The following AZIN1 variants were observed in gnomAD, a reference collection of about 807,000 sequenced individuals.
AZIN1 encodes the protein antizyme inhibitor 1.
A neutral mutation model predicts 47.4 loss-of-function variants in AZIN1; 12 were observed. That is an observed-to-expected ratio of 0.25 (90% confidence interval 0.16 to 0.41). The LOEUF (loss-of-function observed/expected upper bound fraction) is 0.41, where lower values mean the gene tolerates loss of function less well. Ranked by LOEUF, AZIN1 falls within the 10% of genes least tolerant of loss-of-function variation. The probability of loss-of-function intolerance (pLI) is 1.00; values close to 1 mark genes in which losing one functional copy is unlikely to be tolerated. For missense variants in AZIN1, 410 were observed against 532.4 expected (o/e 0.77, Z 2.26); for synonymous variants, 155 against 176.3 (o/e 0.88, Z 0.96).
In AZIN1 at chr8:102,834,695, A is replaced by C; in HGVS notation, c.637T>G (p.Ser213Ala). The change falls in exon 7 of 12, where the codon TCT becomes GCT. Residue 213 changes from serine (S) to alanine (A), a missense_variant. Ser to Ala is a moderately conservative substitution (Grantham distance 99). This residue lies in a region of AZIN1 where 237 missense variants were observed against 309.4 expected (regional missense o/e 0.77). Transcript: ENST00000337198. ...ATGTCAAACACACATCGAGCATCAG[A>C]TAGAGCATGTACATATACTTGAGAT... ...KESQVYVHAL[S>A]DARCVFDMAG... The C allele has an allele frequency of 6.2e-7, 1 of 1,611,828 alleles. No homozygotes were observed. The highest frequency in any genetic ancestry group is 1.7e-5 in the Admixed American group (1 of 59,734).
chr8:102,837,548 G>A (rs1203290418), intron 5 of AZIN1, among the ~76,000 whole-genome samples: 1 of 152,276 alleles, frequency 6.6e-6, no homozygotes, highest in Non-Finnish European at 1.5e-5. Context: ...TCTAAGGTTA[G>A]AATCAGCTCC....
rs1811320046 is a variant in AZIN1, at chr8:102,829,807, CT to C, written c.1020+13del. The C allele has an allele frequency of 3.8e-6, 6 of 1,565,886 alleles. No homozygotes were observed. Among genetic ancestry groups the C allele is most frequent in the Non-Finnish European group, 5.3e-6 (6 of 1,142,224 alleles). ...AAATGCCAAATAGGTTTTGATATTT[CT>C]GATAAAACTTGCCTTGTGAACCTCT... On this transcript the variant is annotated intron_variant, in intron 10 of 11. Coordinates refer to ENST00000337198, the MANE Select transcript of AZIN1 (RefSeq NM_148174.4).
At position 102,836,242 on chromosome 8, in the gene AZIN1, A is replaced by C; in HGVS notation, c.584+14T>G. The C allele has an allele frequency of 6.2e-7, 1 of 1,611,196 alleles. No individual in the cohort carries two copies. Among genetic ancestry groups the C allele is most frequent in the South Asian group, 1.1e-5 (1 of 90,534 alleles). On this transcript the variant is annotated intron_variant, in intron 6 of 11. Coordinates refer to ENST00000337198, the MANE Select transcript of AZIN1 (RefSeq NM_148174.4). ...AAATGTTCACAGCTTTAAAAGTTTA[A>C]AACAAATACTCACTTAACCCCAATT...
intron 3 of AZIN1, among the ~76,000 whole-genome samples, chr8:102,840,957 G>A (rs1463960988): frequency 6.8e-6 from 1 of 147,556 alleles, no homozygotes; most frequent in East Asian, 2.0e-4. Context: ...TTTAATTTGG[G>A]AAAAAATAAG....
chr8:102,836,659 T>A (rs1811842327), intron 5 of AZIN1: 1 of 357,566 alleles, frequency 2.8e-6, no homozygotes. Context: ...TTGGGCTCTG[T>A]AATGAAAGAC....
chr8:102,841,810 A>T lies in AZIN1; in HGVS notation c.102+1741T>A, dbSNP rs1288655641. On this transcript the variant is annotated intron_variant, in intron 3 of 11. Transcript: ENST00000337198. ...AAGTCTAATATATATATATATAAAA[A>T]AAAAAAAAAAAAAGACCAGGCTGGG... is the stretch of plus-strand genomic sequence containing the variant. Among the ~76,000 whole-genome samples the T allele has an allele frequency of 2.0e-3, 301 of 149,604 alleles. 3 individuals carry two copies. Among genetic ancestry groups the T allele is most frequent in the African/African-American group, 6.8e-3 (279 of 41,162 alleles).
At chr8:102,860,730 G>A (rs1338747185) in intron 1 of AZIN1, among the ~76,000 whole-genome samples, 2 of 152,088 alleles carry the variant, frequency 1.3e-5, no homozygotes, top group Non-Finnish European at 2.9e-5. Flanking sequence ...TACAAACTTA[G>A]TATCTCAAAA....
intron 2 of AZIN1, among the ~76,000 whole-genome samples, chr8:102,857,605 GAT>G (rs753787347): frequency 1.5e-4 from 23 of 151,722 alleles, no homozygotes; most frequent in African/African-American, 4.6e-4. Context: ...TATAAATTGA[GAT>G]ATATATATGT....
chr8:102,836,114 GA>G, intron 6 of AZIN1, 141 bp downstream of exon 6: 2 of 891,924 alleles, frequency 2.2e-6, no homozygotes, highest in Non-Finnish European at 3.4e-6. Context: ...AAACTAAGAA[GA>G]AAACACATAC....
intron 2 of AZIN1, 47 bp from the exon 3 acceptor site, chr8:102,843,794 A>C: frequency 7.6e-7 from 1 of 1,307,246 alleles, no homozygotes; most frequent in Non-Finnish European, 1.0e-6. Flanking sequence ...TTCAATAGAC[A>C]TAATGTACGA....
Position 102,836,468 on chromosome 8 carries a change from A to C in AZIN1, c.450-78T>G, listed in dbSNP as rs1196618698. The C allele has an allele frequency of 5.4e-6, 8 of 1,484,690 alleles. No homozygotes were observed. In the African/African-American group the frequency reaches 1.1e-4, roughly 21 times the overall value. 92.0% of individuals were successfully genotyped at this position (1,484,690 alleles called of 1,614,324 possible). Reference sequence around the variant, plus strand: ...CATGTGAAGCCTGAAGATTGTAGGAAGTGTGTTGATTATGTTGCCAGTGCT... The same window carrying C: ...CATGTGAAGCCTGAAGATTGTAGGACGTGTGTTGATTATGTTGCCAGTGCT... On this transcript the variant is annotated intron_variant, in intron 5 of 11. Transcript: ENST00000337198.
At chr8:102,863,463 G>A (rs1042899651) in intron 1 of AZIN1, among the ~76,000 whole-genome samples, 3 of 151,634 alleles carry the variant, frequency 2.0e-5, no homozygotes, top group African/African-American at 7.3e-5. Context: ...CGGGAGAGGG[G>A]TGGGGGCCGC....
chr8:102,833,341 C>G (rs1213850652), intron 8 of AZIN1, 123 bp from the exon 9 acceptor site: 2 of 811,612 alleles, frequency 2.5e-6, no homozygotes. Flanking sequence ...GATCATGAAC[C>G]TTAGCAACTT....
At chr8:102,862,846 T>G (rs1443569350) in intron 1 of AZIN1, among the ~76,000 whole-genome samples, 2 of 152,204 alleles carry the variant, frequency 1.3e-5, no homozygotes, top group Non-Finnish European at 2.9e-5. Flanking sequence ...GTTTCGGGTT[T>G]CTGAACCAGC....
Position 102,834,687 on chromosome 8 carries a change from A to G in AZIN1, c.645T>C (p.Ala215=). Residue 215 remains alanine (A), a synonymous_variant, in exon 7 of 12, where the codon GCT becomes GCC. Coordinates refer to ENST00000337198, the MANE Select transcript of AZIN1 (RefSeq NM_148174.4). ...SQVYVHALSD[A]RCVFDMAGEI... ...TTACAGCCATGTCAAACACACATCG[A>G]GCATCAGATAGAGCATGTACATATA... 2 of 1,609,912 alleles carry G rather than the reference A, an allele frequency of 1.2e-6. No individual in the cohort carries two copies. Among genetic ancestry groups the G allele is most frequent in the East Asian group, 4.5e-5 (2 of 44,778 alleles).
In AZIN1 at chr8:102,826,341, A is replaced by C. The variant is rs550239774; in HGVS notation, c.*2226T>G. On this transcript the variant is annotated 3_prime_UTR_variant, in exon 12 of 12. Coordinates refer to ENST00000337198, the MANE Select transcript of AZIN1 (RefSeq NM_148174.4). Reference sequence around the variant, plus strand: ...AAAATTTTACCTCTATTTCAGATAGAAGCCAAAGTAAAACATGAGGAATAA... The same window carrying C: ...AAAATTTTACCTCTATTTCAGATAGCAGCCAAAGTAAAACATGAGGAATAA... 1 of 152,670 alleles carries C rather than the reference A, an allele frequency of 6.6e-6. No homozygotes were observed. Among genetic ancestry groups the C allele is most frequent in the Non-Finnish European group, 1.5e-5 (1 of 68,050 alleles). The allele number at this position is 152,670 out of a possible 1,614,324, so 9.5% of individuals were successfully genotyped here. A position where few individuals can be genotyped will look rare whatever the true frequency, so the allele number is the denominator to read the frequency against.
At chr8:102,852,297 C>T (rs1586196759) in intron 2 of AZIN1, among the ~76,000 whole-genome samples, 1 of 152,130 alleles carries the variant, frequency 6.6e-6, no homozygotes, top group Non-Finnish European at 1.5e-5. Context: ...CTCATACTGC[C>T]AAGCATGGTG....
intron 1 of AZIN1, among the ~76,000 whole-genome samples, chr8:102,858,734 C>A (rs1813446493): frequency 6.6e-6 from 1 of 152,134 alleles, no homozygotes; most frequent in Admixed American, 6.5e-5. Flanking sequence ...AACTTGAGAA[C>A]TTCCTTATAA....
In AZIN1 at chr8:102,857,725, T is replaced by C. The variant is rs1813386063; in HGVS notation, c.-96+288A>G. Among the ~76,000 whole-genome samples, 5 of 152,210 alleles carry C rather than the reference T, an allele frequency of 3.3e-5. No homozygotes were observed. In the South Asian group the frequency reaches 1.0e-3, roughly 32 times the overall value. On this transcript the variant is annotated intron_variant, in intron 2 of 11. Coordinates refer to ENST00000337198, the MANE Select transcript of AZIN1 (RefSeq NM_148174.4). Reference sequence around the variant, plus strand: ...CATTTCACTAAGTTAAATGGTTGAATGATGTGATAAACTATACCTTATTTC... The same window carrying C: ...CATTTCACTAAGTTAAATGGTTGAACGATGTGATAAACTATACCTTATTTC...
Sources: allele counts gnomAD v4.1 joint callset (sites outside exome capture counted in the v4.1 genomes callset), GRCh38; gene constraint gnomAD v4.1.1; regional missense constraint gnomAD v4.1.1; transcripts MANE v1.5; gene names NCBI Gene and HGNC (gene_info 2026-07-23, HGNC 2026-07-21).